TRIM39: variants seen among roughly 807,000 people sequenced by gnomAD.
TRIM39 encodes the protein tripartite motif containing 39, also known as E3 ubiquitin-protein ligase TRIM39.
TRIM39 carries 5 observed loss-of-function variants against 53.6 expected under a neutral mutation model. The ratio of observed to expected loss-of-function variants is 0.09; its 90% CI spans 0.05 to 0.20. The LOEUF is 0.20. TRIM39 is among the 10% of genes least tolerant of loss of function. TRIM39 has a pLI of 1.00. For missense variants in TRIM39, 310 were observed against 621.0 expected, an observed-to-expected ratio of 0.50 and a Z score of 5.32; for synonymous variants, 196 against 237.6, an observed-to-expected ratio of 0.82 and a Z score of 1.61.
rs931109057 is a variant in TRIM39 at position 30,342,739 on chromosome 6, G to A, written c.*480G>A. On this transcript the variant is annotated 3_prime_UTR_variant, in exon 8 of 8. Coordinates refer to ENST00000396551, the Ensembl canonical transcript of TRIM39. The surrounding 1 kb of genome is among the most constrained non-coding windows in gnomAD (Gnocchi z 4.7). ...AGAGATGAATGACAGATGCTCTCAT[G>A]GGTCTAGATATTGAGGAGTTTTTCT... 1 of 175,180 alleles carries A rather than the reference G, an allele frequency of 5.7e-6. No individual in the cohort carries two copies. The highest frequency in any genetic ancestry group is 2.4e-5 in the African/African-American group (1 of 41,872). The allele number at this position is 175,180 out of a possible 1,614,324, so 10.9% of individuals were successfully genotyped here. A position where few individuals can be genotyped will look rare whatever the true frequency, so the allele number is the denominator to read the frequency against.
intron 1 of TRIM39, among the ~76,000 whole-genome samples, chr6:30,328,427 C>T (rs571728286): frequency 6.6e-6 from 1 of 152,320 alleles, no homozygotes; most frequent in South Asian, 2.1e-4. Flanking sequence ...AGCAGATTTC[C>T]TTTAGGCTAG....
At chr6:30,334,846 ATTC>A (rs1047708459) in intron 4 of TRIM39, among the ~76,000 whole-genome samples, 2 of 152,084 alleles carry the variant, frequency 1.3e-5, no homozygotes, top group African/African-American at 4.8e-5. Flanking sequence ...CATCCTCTTG[ATTC>A]TTTTTGAGTA....
chr6:30,332,729 T>C (rs1365834709), intron 4 of TRIM39, among the ~76,000 whole-genome samples: 8 of 152,202 alleles, frequency 5.3e-5, no homozygotes, highest in South Asian at 4.1e-4. Context: ...GAGAGAAATA[T>C]ACCTTTTTAA....
At chr6:30,343,135 A>G (rs1461572507) in exon 8 of TRIM39, 1 of 152,694 alleles carries the variant, frequency 6.5e-6, no homozygotes, top group Non-Finnish European at 1.5e-5. Flanking sequence ...ATTAGAGGAA[A>G]GAGAAGGGTA....
In TRIM39 at chr6:30,335,910, G is replaced by C; in HGVS notation, c.715G>C (p.Asp239His). 5 of 1,612,802 alleles carry C rather than the reference G, an allele frequency of 3.1e-6. No individual in the cohort carries two copies. Among genetic ancestry groups the C allele is most frequent in the Non-Finnish European group, 3.4e-6 (4 of 1,180,010 alleles). Residue 239 changes from aspartate to histidine, a missense_variant, in exon 5 of 8, where the codon GAC (aspartate) becomes CAC (histidine). This residue lies in a region of TRIM39 where 161 missense variants were observed against 210.0 expected (regional missense o/e 0.77). Transcript: ENST00000396551. This position sits in a 1 kb window ranked among gnomAD's most constrained non-coding sequence, Gnocchi z 4.7. ...TGCTCACCTTGGGGACAAGCGCCGG[G>C]ACCTGGCCCACTTGGCTGCCGAGGT...
At chr6:30,343,095 C>G (rs1231000700) in exon 8 of TRIM39, 1 of 152,640 alleles carries the variant, frequency 6.6e-6, no homozygotes, top group African/African-American at 2.4e-5. Flanking sequence ...TCACAGTGTT[C>G]CCAAGGGAAC....
chr6:30,341,633 G>A, intron 7 of TRIM39, 79 bp from the exon 8 acceptor site: 1 of 1,507,044 alleles, frequency 6.6e-7, no homozygotes, highest in Non-Finnish European at 8.9e-7. Flanking sequence ...GCTCTGTAAA[G>A]GCAGGCTGGA....
Position 30,340,375 on chromosome 6 carries a change from G to A in TRIM39, c.804-130G>A, listed in dbSNP as rs192240080. On this transcript the variant is annotated intron_variant, in intron 6 of 7. Transcript: ENST00000396551. ...AGAAATCAACAGGTGAGCTTTTCAG[G>A]GAGGAGGAAGAAAGTGGGAAGATGG... The A allele has an allele frequency of 7.4e-6, 12 of 1,612,196 alleles. No individual in the cohort carries two copies. In the East Asian group the frequency reaches 2.7e-4, roughly 36 times the overall value.
In TRIM39 at chr6:30,335,944, A is replaced by G. The variant is rs768728970; in HGVS notation, c.749A>G (p.Lys250Arg). 6 of 1,612,446 alleles carry G rather than the reference A, an allele frequency of 3.7e-6. No homozygotes were observed. The highest frequency in any genetic ancestry group is 1.7e-5 in the Admixed American group (1 of 59,916). ...CACTTGGCTGCCGAGGTGGAGGGCA[A>G]GTGCTTACAGTCAGGCTTCGAGATG... is the stretch of plus-strand genomic sequence containing the variant. Residue 250 changes from lysine to arginine, a missense_variant, in exon 5 of 8, where the codon AAG (lysine) becomes AGG (arginine). Coordinates refer to ENST00000396551, the Ensembl canonical transcript of TRIM39. The surrounding 1 kb of genome is among the most constrained non-coding windows in gnomAD (Gnocchi z 4.7).
chr6:30,336,385 TGTG>T (rs1310244417), intron 5 of TRIM39, among the ~76,000 whole-genome samples: 1 of 152,226 alleles, frequency 6.6e-6, no homozygotes, highest in Non-Finnish European at 1.5e-5. Flanking sequence ...TCAGAGATAT[TGTG>T]GGTTCAGTTC....
At chr6:30,343,189 T>C (rs926541829) in exon 8 of TRIM39, 2 of 152,670 alleles carry the variant, frequency 1.3e-5, no homozygotes, top group Non-Finnish European at 2.9e-5. Flanking sequence ...ACTTAGTAGC[T>C]ACTCCCAAAT....
chr6:30,328,473 C>T (rs1785688303), intron 1 of TRIM39, among the ~76,000 whole-genome samples: 1 of 152,188 alleles, frequency 6.6e-6, no homozygotes, highest in Non-Finnish European at 1.5e-5. Context: ...TTCAGATTTT[C>T]CTGAAAAGAG....
At chr6:30,343,436 A>T (rs950852698) in exon 8 of TRIM39, 37 of 152,624 alleles carry the variant, frequency 2.4e-4, no homozygotes, top group African/African-American at 8.7e-4. Context: ...AATGATTTTC[A>T]TGTTAGGCCA....
At chr6:30,329,361 C>G in exon 3 of TRIM39, 1 of 1,613,062 alleles carries the variant, frequency 6.2e-7, no homozygotes, top group Non-Finnish European at 8.5e-7. Flanking sequence ...TCTGCAGCCT[C>G]TACAGCTGCG....
At chr6:30,341,006 G>A (rs973817717) in intron 7 of TRIM39, among the ~76,000 whole-genome samples, 4 of 152,070 alleles carry the variant, frequency 2.6e-5, no homozygotes, top group African/African-American at 4.8e-5. Context: ...TCAGGAGTTC[G>A]ACATCAGCCT....
chr6:30,340,749 T>C (rs1205785349), intron 7 of TRIM39, 129 bp downstream of exon 7: 1 of 985,396 alleles, frequency 1.0e-6, no homozygotes, highest in Non-Finnish European at 1.5e-6. Flanking sequence ...TACCCCTTTA[T>C]CTGGCTTTTA....
At chr6:30,341,812 T>C in exon 8 of TRIM39, 1 of 1,613,060 alleles carries the variant, frequency 6.2e-7, no homozygotes. Context: ...GGGATCTCCC[T>C]GACACACCAA....
intron 4 of TRIM39, among the ~76,000 whole-genome samples, chr6:30,332,199 A>G (rs1474708231): frequency 1.3e-5 from 2 of 152,238 alleles, no homozygotes; most frequent in Non-Finnish European, 2.9e-5. Context: ...TTCGTGAATC[A>G]GTAAATATTT....
chr6:30,337,513 A>C (rs972620588), intron 5 of TRIM39, among the ~76,000 whole-genome samples: 7 of 152,214 alleles, frequency 4.6e-5, no homozygotes, highest in African/African-American at 1.7e-4. Context: ...ATTCAAGACC[A>C]GTCTGGGCAA....
Sources: gnomAD v4.1 joint callset for allele counts (sites outside exome capture counted in the v4.1 genomes callset) on GRCh38, gnomAD v4.1.1 for gene constraint, gnomAD v4.1.1 regional missense constraint, Gnocchi (gnomAD v3.1) non-coding constraint, MANE v1.5 for transcripts, NCBI Gene and HGNC (gene_info 2026-07-23, HGNC 2026-07-21) for gene names.